ASCC3: variants seen among roughly 807,000 people sequenced by gnomAD.
ASCC3 encodes activating signal cointegrator 1 complex subunit 3.
A neutral mutation model predicts 256.3 loss-of-function variants in ASCC3; 158 were observed. The observed-to-expected ratio is 0.62, with a 90% CI of 0.54 to 0.70. The LOEUF is 0.70. Ranked by LOEUF, ASCC3 falls within the 30% of genes least tolerant of loss-of-function variation. The pLI is 0.00. For synonymous variants in ASCC3, 948 were observed against 883.4 expected (o/e 1.07, Z -1.30); for missense variants, 2,259 against 2,626.0 (o/e 0.86, Z 3.05).
intron 36 of ASCC3, among the ~76,000 whole-genome samples, chr6:100,560,748 AACACACACACACACACACACACAC>A (rs747539213): frequency 1.6e-4 from 22 of 133,878 alleles, no homozygotes; most frequent in Non-Finnish European, 1.8e-4. Flanking sequence ...ATCTTAGAGG[AACACACACACACACACACACACAC>A]ACACACACAC....
chr6:100,787,425 T>C (rs1236732677), intron 8 of ASCC3, among the ~76,000 whole-genome samples: 1 of 152,044 alleles, frequency 6.6e-6, no homozygotes, highest in Non-Finnish European at 1.5e-5. Flanking sequence ...ATAATCTTTG[T>C]GGTTTGGAGG....
At chr6:100,694,869 C>T (rs1404329866) in intron 13 of ASCC3, among the ~76,000 whole-genome samples, 2 of 152,018 alleles carry the variant, frequency 1.3e-5, no homozygotes, top group African/African-American at 4.8e-5. Context: ...TCAAAAGATG[C>T]TAAAATGAAT....
At chr6:100,537,640 C>T (rs971403969) in intron 37 of ASCC3, among the ~76,000 whole-genome samples, 14 of 151,398 alleles carry the variant, frequency 9.2e-5, no homozygotes, top group Non-Finnish European at 1.5e-4. Context: ...TATTTCAAAA[C>T]GAAAGTCTAA....
intron 39 of ASCC3, among the ~76,000 whole-genome samples, chr6:100,514,909 T>C (rs1365931595): frequency 6.6e-6 from 1 of 152,210 alleles, no homozygotes; most frequent in Non-Finnish European, 1.5e-5. Flanking sequence ...TCTGGAATAA[T>C]TCAGGATTTG....
intron 22 of ASCC3, 23 bp downstream of exon 22, chr6:100,646,592 A>T (rs750273602): frequency 1.2e-6 from 2 of 1,613,874 alleles, no homozygotes; most frequent in Non-Finnish European, 1.7e-6. Flanking sequence ...TTTAACACAG[A>T]TATAGCCGTT....
chr6:100,864,943 G>C (rs917217199), intron 2 of ASCC3, among the ~76,000 whole-genome samples: 1 of 152,124 alleles, frequency 6.6e-6, no homozygotes, highest in South Asian at 2.1e-4. Flanking sequence ...CTCTGGCTTT[G>C]ATCCATAGAG....
At chr6:100,515,162 T>C (rs973675105) in intron 39 of ASCC3, among the ~76,000 whole-genome samples, 2 of 152,206 alleles carry the variant, frequency 1.3e-5, no homozygotes, top group Non-Finnish European at 2.9e-5. Context: ...AATCAATGTA[T>C]GTTATGTTGG....
intron 36 of ASCC3, among the ~76,000 whole-genome samples, chr6:100,586,555 C>T (rs1771697564): frequency 6.6e-6 from 1 of 152,194 alleles, no homozygotes; most frequent in Non-Finnish European, 1.5e-5. Context: ...CAATGCCTCG[C>T]CCTGCTTTGG....
intron 40 of ASCC3, 38 bp downstream of exon 40, chr6:100,512,671 G>A (rs1489832017): frequency 1.9e-6 from 3 of 1,581,732 alleles, no homozygotes; most frequent in Non-Finnish European, 2.6e-6. Context: ...GCTGGTATTT[G>A]GTGTGAAATA....
chr6:100,608,069 T>TACATATATATGTATATATAGATATATAC (rs1773009430), intron 30 of ASCC3, among the ~76,000 whole-genome samples: 1 of 92,200 alleles, frequency 1.1e-5, no homozygotes, highest in Non-Finnish European at 2.1e-5. Context: ...CACATATATA[T>TACATATATATGTATATATAGATATATAC]ACATATATAT....
At chr6:100,793,189 T>C (rs146215199) in intron 8 of ASCC3, among the ~76,000 whole-genome samples, 153 of 152,116 alleles carry the variant, frequency 1.0e-3, no homozygotes, top group Middle Eastern at 3.4e-3. Flanking sequence ...ACCGAAAATT[T>C]GGAAAAAGTC....
chr6:100,597,739 G>A (rs531749699), intron 34 of ASCC3, among the ~76,000 whole-genome samples: 22 of 150,240 alleles, frequency 1.5e-4, no homozygotes, highest in Non-Finnish European at 3.0e-4. Flanking sequence ...TTGGGAGGCC[G>A]AGATGGGCGG....
intron 29 of ASCC3, among the ~76,000 whole-genome samples, chr6:100,627,021 G>A (rs956550469): frequency 1.3e-5 from 2 of 152,034 alleles, no homozygotes; most frequent in African/African-American, 4.8e-5. Flanking sequence ...CCTCACAACT[G>A]TCACCACACA....
At chr6:100,874,027 G>C (rs1414904324) in intron 1 of ASCC3, among the ~76,000 whole-genome samples, 1 of 152,108 alleles carries the variant, frequency 6.6e-6, no homozygotes, top group Non-Finnish European at 1.5e-5. Flanking sequence ...TTCTTCCCCA[G>C]GTTGAATGAG....
At chr6:100,725,922 A>G (rs1473062884) in intron 10 of ASCC3, among the ~76,000 whole-genome samples, 1 of 151,834 alleles carries the variant, frequency 6.6e-6, no homozygotes, top group African/African-American at 2.4e-5. Flanking sequence ...CACTGAAGGT[A>G]ATTTGCCAGT....
intron 30 of ASCC3, among the ~76,000 whole-genome samples, chr6:100,624,935 A>G (rs1420823225): frequency 6.6e-6 from 1 of 152,032 alleles, no homozygotes; most frequent in African/African-American, 2.4e-5. Context: ...TGAATACTTA[A>G]AGAATATGAA....
intron 36 of ASCC3, among the ~76,000 whole-genome samples, chr6:100,562,603 T>G (rs1024366211): frequency 2.0e-5 from 3 of 152,098 alleles, no homozygotes; most frequent in African/African-American, 7.2e-5. Flanking sequence ...AAGTTTATGT[T>G]TTGGTGGTTA....
chr6:100,800,630 C>A (rs555593583), intron 5 of ASCC3, 126 bp from the exon 6 acceptor site: 55 of 731,692 alleles, frequency 7.5e-5, no homozygotes, highest in Non-Finnish European at 1.0e-4. Context: ...TTAAAGCTGG[C>A]AAATTCAATT....
chr6:100,715,253 C>A (rs1779037783), intron 13 of ASCC3: 2 of 468,214 alleles, frequency 4.3e-6, no homozygotes, highest in South Asian at 3.5e-5. Context: ...AATAGCACGA[C>A]CTATCAATAC....
Sources: allele counts gnomAD v4.1 joint callset (sites outside exome capture counted in the v4.1 genomes callset), GRCh38; gene constraint gnomAD v4.1.1; transcripts MANE v1.5; gene names NCBI Gene and HGNC (gene_info 2026-07-23, HGNC 2026-07-21).